Variants in MCTP2 observed in about 807,000 individuals in gnomAD.
MCTP2 encodes the protein multiple C2 and transmembrane domain containing 2.
In MCTP2, 132 loss-of-function variants were observed where a neutral mutation model predicts 111.6. That is an observed-to-expected ratio of 1.18 (90% CI 1.03 to 1.37). MCTP2 has a LOEUF of 1.37. Ranked by LOEUF, MCTP2 falls within the 40% of genes most tolerant of loss-of-function variation. MCTP2 has a pLI of 0.00. For missense variants in MCTP2, 1,183 were observed against 1,067.9 expected, an observed-to-expected ratio of 1.11 and a Z score of -1.50; for synonymous variants, 395 against 387.7, an observed-to-expected ratio of 1.02 and a Z score of -0.22.
intron 19 of MCTP2, among the ~76,000 whole-genome samples, chr15:94,450,014 A>G (rs555389089): frequency 2.0e-5 from 3 of 152,118 alleles, no homozygotes; most frequent in East Asian, 3.9e-4. Context: ...CCAATTTTTC[A>G]GTTGTATTTT....
chr15:94,460,279 G>A (rs959633742), intron 20 of MCTP2, among the ~76,000 whole-genome samples: 5 of 152,202 alleles, frequency 3.3e-5, no homozygotes, highest in Non-Finnish European at 7.3e-5. Flanking sequence ...GGAAGAGATA[G>A]CTGGGCAAAG....
At position 94,479,008 on chromosome 15, in the gene MCTP2, CT is replaced by C; in HGVS notation, c.2612del (p.Leu871ArgfsTer26). ...GAAACTCTGCAGCAGCCACAGCCCC[CT>C]GCGGAAGAAGCGCAGCGCTCTCTAG... ...ELKLCSSHSPLRKKRSAL is the reference protein window; with the variant it reads ...ELKLCSSHSPXRKKRSAL On this transcript the variant is annotated frameshift_variant, in exon 23 of 23. Coordinates refer to ENST00000357742, the MANE Select transcript of MCTP2 (RefSeq NM_001385001.1). LOFTEE classifies it high-confidence loss of function. 6.2e-7 allele frequency: 1 copy of C among 1,614,122 alleles called. No homozygotes were observed. The highest frequency in any genetic ancestry group is 8.5e-7 in the Non-Finnish European group (1 of 1,180,010).
rs144526062 is a variant in MCTP2 at position 94,470,348 on chromosome 15, G to T, written c.2376G>T (p.Thr792=). 38 of 1,612,686 alleles carry T rather than the reference G, an allele frequency of 2.4e-5. No individual in the cohort carries two copies. Among genetic ancestry groups the T allele is most frequent in the Non-Finnish European group, 3.0e-5 (35 of 1,178,858 alleles). ...TTGTCTACAGCACATTTAACTGGAC[G>T]GTCCCCTTCCTTTCATCTCTGGCCT... The part of the protein sequence containing the change: ...GERIKNTFNW[T]VPFLSSLACL... Residue 792 remains threonine (T), a synonymous_variant, in exon 21 of 23, where the codon ACG becomes ACT. Transcript: ENST00000357742.
chr15:94,458,633 TTGAG>T (rs2084989941), intron 20 of MCTP2, among the ~76,000 whole-genome samples: 1 of 152,208 alleles, frequency 6.6e-6, no homozygotes, highest in Non-Finnish European at 1.5e-5. Flanking sequence ...AGTAAATGCC[TTGAG>T]TAACTTTTCT....
chr15:94,396,347 G>A (rs1395848484), intron 14 of MCTP2, among the ~76,000 whole-genome samples: 1 of 151,870 alleles, frequency 6.6e-6, no homozygotes, highest in African/African-American at 2.4e-5. Context: ...AATTATGTCT[G>A]TTTAATTATT....
At chr15:94,474,163 G>C (rs970172210) in intron 21 of MCTP2, among the ~76,000 whole-genome samples, 6 of 151,828 alleles carry the variant, frequency 4.0e-5, no homozygotes, top group Non-Finnish European at 7.4e-5. Context: ...TACTATTTAG[G>C]TTAAAAAAAT....
chr15:94,308,094 C>A (rs964178044), intron 2 of MCTP2, among the ~76,000 whole-genome samples: 1 of 152,078 alleles, frequency 6.6e-6, no homozygotes, highest in Non-Finnish European at 1.5e-5. Flanking sequence ...CCTCTGTATG[C>A]GAAGAGTCCT....
At chr15:94,266,564 G>A (rs142769300) in intron 1 of MCTP2, among the ~76,000 whole-genome samples, 1 of 152,172 alleles carries the variant, frequency 6.6e-6, no homozygotes, top group Non-Finnish European at 1.5e-5. Context: ...ACACGCTGAA[G>A]TTCAGATATT....
intron 14 of MCTP2, among the ~76,000 whole-genome samples, chr15:94,388,833 A>G (rs1030266366): frequency 5.9e-5 from 9 of 152,238 alleles, no homozygotes; most frequent in Non-Finnish European, 1.2e-4. Flanking sequence ...CAGGATTTGA[A>G]TTTAGGTGGT....
intron 1 of MCTP2, among the ~76,000 whole-genome samples, chr15:94,258,609 C>T (rs1467059164): frequency 6.6e-6 from 1 of 152,100 alleles, no homozygotes; most frequent in Non-Finnish European, 1.5e-5. Flanking sequence ...ATGGTAGTTA[C>T]CGAAAACCCT....
At chr15:94,252,648 T>C (rs1435100447) in intron 1 of MCTP2, among the ~76,000 whole-genome samples, 1 of 151,438 alleles carries the variant, frequency 6.6e-6, no homozygotes, top group Non-Finnish European at 1.5e-5. Context: ...TTTTTTTTGG[T>C]CTCAAAGTAA....
rs2152402271 is a variant in MCTP2, at chr15:94,339,528, C to A, written c.780+96C>A. 11 of 946,924 alleles carry A rather than the reference C, an allele frequency of 1.2e-5. No homozygotes were observed. The South Asian group carries it at 2.2e-4, about 19-fold the overall frequency. 58.7% of individuals were successfully genotyped at this position (946,924 alleles called of 1,614,324 possible). ...AGACGTGAACTTGCCAAAATTAATTCTTTTATTAGGACAGATTAAAAATAA... is the reference window on the plus strand; with the variant it reads ...AGACGTGAACTTGCCAAAATTAATTATTTTATTAGGACAGATTAAAAATAA... On this transcript the variant is annotated intron_variant, in intron 5 of 22. Coordinates refer to ENST00000357742, the MANE Select transcript of MCTP2 (RefSeq NM_001385001.1).
chr15:94,353,355 G>A (rs939555565), intron 8 of MCTP2, among the ~76,000 whole-genome samples: 8 of 152,088 alleles, frequency 5.3e-5, no homozygotes, highest in Admixed American at 2.0e-4. Flanking sequence ...ATGCTGTTCC[G>A]CCATATGGAA....
intron 1 of MCTP2, among the ~76,000 whole-genome samples, chr15:94,279,080 GAATTGCTT>G (rs2074353851): frequency 2.0e-5 from 3 of 152,150 alleles, no homozygotes; most frequent in Admixed American, 1.3e-4. Context: ...TTTTTGCTTA[GAATTGCTT>G]TGGTTATTTG....
chr15:94,371,411 G>C lies in MCTP2; in HGVS notation c.1582+1231G>C, dbSNP rs182079362. On this transcript the variant is annotated intron_variant, in intron 12 of 22. Transcript: ENST00000357742. ...ATGTGCCTTTGACATTAGTGGTTCT[G>C]TCATCCCTAAAGCACATTTAGAATT... 2.0e-5 allele frequency among the ~76,000 whole-genome samples: 3 copies of C among 152,234 alleles called. No homozygotes were observed. The East Asian group carries it at 5.8e-4, about 29-fold the overall frequency.
chr15:94,416,755 A>G lies in MCTP2; in HGVS notation c.2085+14736A>G, dbSNP rs549002697. On this transcript the variant is annotated intron_variant, in intron 17 of 22. Coordinates refer to ENST00000357742, the MANE Select transcript of MCTP2 (RefSeq NM_001385001.1). ...GTGCAGAATTCTGTTATGAAGGAGG[A>G]AAAAAGAAAAGAAAAAAATAGAGCC... 1.2e-4 allele frequency among the ~76,000 whole-genome samples: 19 copies of G among 152,212 alleles called. No individual in the cohort carries two copies. The South Asian group carries it at 3.7e-3, about 30-fold the overall frequency.
At position 94,243,002 on chromosome 15, in the gene MCTP2, TA is replaced by T. The variant is rs1450678317; in HGVS notation, c.-66+11339del. 1.9e-4 allele frequency among the ~76,000 whole-genome samples: 17 copies of T among 88,732 alleles called. 2 individuals are homozygous for T. The highest frequency in any genetic ancestry group is 7.6e-4 in the African/African-American group (17 of 22,282). The allele number at this position is 88,732 out of a possible 152,430, so 58.2% of individuals were successfully genotyped here. A position where few individuals can be genotyped will look rare whatever the true frequency, so the allele number is the denominator to read the frequency against. ...ACACATACACGTGTATATGTGTATC[TA>T]CACATACACGTGTATATGTGTATCT... On this transcript the variant is annotated intron_variant, in intron 1 of 22. Transcript: ENST00000357742.
At chr15:94,435,609 A>G (rs968785110) in intron 17 of MCTP2, among the ~76,000 whole-genome samples, 20 of 150,706 alleles carry the variant, frequency 1.3e-4, no homozygotes, top group African/African-American at 4.6e-4. Flanking sequence ...ATCTGCTAAA[A>G]AAGTTGTACT....
chr15:94,387,539 T>C (rs1254500142), intron 14 of MCTP2, among the ~76,000 whole-genome samples: 1 of 152,200 alleles, frequency 6.6e-6, no homozygotes, highest in East Asian at 1.9e-4. Context: ...GGGACTTTTT[T>C]CAGATTGGTC....
Sources: gnomAD v4.1 joint callset for allele counts (sites outside exome capture counted in the v4.1 genomes callset) on GRCh38, gnomAD v4.1.1 for gene constraint, MANE v1.5 for transcripts, NCBI Gene and HGNC (gene_info 2026-07-23, HGNC 2026-07-21) for gene names.